The following LANCL2 variants were observed in gnomAD, a reference collection of about 807,000 sequenced individuals.
LANCL2 encodes the protein LanC like glutathione S-transferase 2.
In LANCL2, 33 loss-of-function variants were observed where a neutral mutation model predicts 56.9. The ratio of observed to expected loss-of-function variants is 0.58; its 90% CI spans 0.44 to 0.78. The LOEUF is 0.78. Among genes scored for constraint, LANCL2 ranks in the 30% least tolerant of loss-of-function variants. The probability of loss-of-function intolerance (pLI) is 0.00; values close to 1 mark genes in which losing one functional copy is unlikely to be tolerated. For synonymous variants in LANCL2, 233 were observed against 228.2 expected, an observed-to-expected ratio of 1.02 and a Z score of -0.19; for missense variants, 562 against 580.2, an observed-to-expected ratio of 0.97 and a Z score of 0.32.
At chr7:55,368,018 AAC>A (rs1468079875) in intron 1 of LANCL2, among the ~76,000 whole-genome samples, 1 of 152,222 alleles carries the variant, frequency 6.6e-6, no homozygotes, top group Admixed American at 6.5e-5. Flanking sequence ...GCATTGAAAA[AAC>A]TGCATCATTC....
chr7:55,401,181 A>G lies in LANCL2; in HGVS notation c.686A>G (p.Asn229Ser), dbSNP rs760113808. The change falls in exon 5 of 9, where the codon AAT becomes AGT. Residue 229 changes from asparagine (N) to serine (S), a missense_variant. Asn to Ser is a conservative substitution (Grantham distance 46). Transcript: ENST00000254770. ...GTCTTGTTATCTCTGTAGGTAGTCA[A>G]TGCTATTATTGAATCGGGTAAGACT... ...VCESAIKEVV[N>S]AIIESGKTLS... 18 of 1,613,886 alleles carry G rather than the reference A, an allele frequency of 1.1e-5. No individual in the cohort carries two copies. The East Asian group carries it at 1.6e-4, about 14-fold the overall frequency.
chr7:55,429,704 A>G (rs1316475949), intron 8 of LANCL2, among the ~76,000 whole-genome samples: 3 of 152,272 alleles, frequency 2.0e-5, no homozygotes, highest in African/African-American at 7.2e-5. Flanking sequence ...TTTGCATCAG[A>G]TATAACAGAG....
chr7:55,422,791 CT>C lies in LANCL2; in HGVS notation c.1009-2462del, dbSNP rs1782117640. Among the ~76,000 whole-genome samples, 3 of 152,210 alleles carry C rather than the reference CT, an allele frequency of 2.0e-5. No individual in the cohort carries two copies. In the South Asian group the frequency reaches 6.2e-4, roughly 31 times the overall value. The stretch of plus-strand genomic sequence containing the variant: ...TTCTGTCTTATTCTCCCTTTCTCTT[CT>C]GAGGGTTCACTGATGATGAGTATAG... On this transcript the variant is annotated intron_variant, in intron 6 of 8. Coordinates refer to ENST00000254770, the MANE Select transcript of LANCL2 (RefSeq NM_018697.4).
chr7:55,374,859 A>T (rs1341590407), intron 1 of LANCL2, among the ~76,000 whole-genome samples: 1 of 152,244 alleles, frequency 6.6e-6, no homozygotes, highest in African/African-American at 2.4e-5. Flanking sequence ...AATGTGAGTC[A>T]AAAAGCTATT....
At chr7:55,375,008 G>A (rs1443521224) in intron 1 of LANCL2, among the ~76,000 whole-genome samples, 3 of 152,204 alleles carry the variant, frequency 2.0e-5, no homozygotes, top group Non-Finnish European at 2.9e-5. Context: ...TTTATTAGGA[G>A]TGTAGTAGAT....
At chr7:55,418,329 C>T (rs1790568616) in intron 6 of LANCL2, among the ~76,000 whole-genome samples, 1 of 151,950 alleles carries the variant, frequency 6.6e-6, no homozygotes, top group Non-Finnish European at 1.5e-5. Context: ...CAGGTGTGCA[C>T]CACCATGCCT....
At chr7:55,399,358 TC>T (rs1562863273) in intron 3 of LANCL2, among the ~76,000 whole-genome samples, 2 of 150,862 alleles carry the variant, frequency 1.3e-5, no homozygotes, top group African/African-American at 2.4e-5. Flanking sequence ...TTTTTTTTTT[TC>T]TGAGATGGAA....
At position 55,391,849 on chromosome 7, in the gene LANCL2, A is replaced by G; in HGVS notation, c.261A>G (p.Gln87=). 1.2e-6 allele frequency: 2 copies of G among 1,613,246 alleles called. No homozygotes were observed. The highest frequency in any genetic ancestry group is 1.1e-5 in the South Asian group (1 of 91,066). Residue 87 remains glutamine (Q), a synonymous_variant, in exon 2 of 9, where the codon CAA becomes CAG. Transcript: ENST00000254770. The part of the protein sequence containing the change: ...IQTKIKDLLQ[Q]MEEGLKTADP... ...CCAAAATTAAAGATCTTCTGCAGCAAATGGAAGAAGGGCTGAAGACAGCTG... is the reference window on the plus strand; with the variant it reads ...CCAAAATTAAAGATCTTCTGCAGCAGATGGAAGAAGGGCTGAAGACAGCTG...
chr7:55,416,211 G>C (rs1447645689), intron 6 of LANCL2, among the ~76,000 whole-genome samples: 1 of 152,138 alleles, frequency 6.6e-6, no homozygotes, highest in African/African-American at 2.4e-5. Flanking sequence ...TGATTGACCA[G>C]GGTTGATTAA....
intron 5 of LANCL2, among the ~76,000 whole-genome samples, chr7:55,406,491 C>T (rs577768862): frequency 5.3e-4 from 81 of 152,242 alleles, no homozygotes; most frequent in African/African-American, 1.8e-3. Context: ...CAGCAGGGGA[C>T]GGGCAGAGCA....
At chr7:55,405,360 C>G (rs1425029934) in intron 5 of LANCL2, among the ~76,000 whole-genome samples, 1 of 152,140 alleles carries the variant, frequency 6.6e-6, no homozygotes, top group Non-Finnish European at 1.5e-5. Flanking sequence ...CCACACCGTT[C>G]AATGCTAATC....
At chr7:55,371,213 T>C (rs1789940052) in intron 1 of LANCL2, among the ~76,000 whole-genome samples, 1 of 152,220 alleles carries the variant, frequency 6.6e-6, no homozygotes, top group Non-Finnish European at 1.5e-5. Context: ...AACTGTTTTG[T>C]TCTCTATCTC....
intron 5 of LANCL2, among the ~76,000 whole-genome samples, chr7:55,403,504 GGA>G (rs950530161): frequency 6.7e-6 from 1 of 150,106 alleles, no homozygotes; most frequent in Non-Finnish European, 1.5e-5. Flanking sequence ...CTTTCGGTAT[GGA>G]GTCTTAAAGC....
chr7:55,376,792 A>G (rs150400845), intron 1 of LANCL2, among the ~76,000 whole-genome samples: 62 of 152,380 alleles, frequency 4.1e-4, no homozygotes, highest in African/African-American at 1.4e-3. Flanking sequence ...GACCAGGAAC[A>G]TTTTGGGGAG....
At chr7:55,412,290 GTGAT>G (rs1173513657) in intron 6 of LANCL2, among the ~76,000 whole-genome samples, 1 of 152,202 alleles carries the variant, frequency 6.6e-6, no homozygotes, top group Non-Finnish European at 1.5e-5. Flanking sequence ...GTGTATGTGT[GTGAT>G]TGTGTGTGTT....
chr7:55,387,886 T>TA (rs912712656), intron 1 of LANCL2, among the ~76,000 whole-genome samples: 19 of 152,310 alleles, frequency 1.2e-4, no homozygotes, highest in African/African-American at 4.6e-4. Context: ...CCTTCCTTAC[T>TA]AAAAATACCT....
In LANCL2 at chr7:55,382,455, G is replaced by A. The variant is rs137868919; in HGVS notation, c.205-9338G>A. Among the ~76,000 whole-genome samples, 5 of 152,274 alleles carry A rather than the reference G, an allele frequency of 3.3e-5. No individual in the cohort carries two copies. In the South Asian group the frequency reaches 6.2e-4, roughly 19 times the overall value. ...CCACACAGAGCTGCCTTATCAAGAC[G>A]GGAATCACAATTTGTATTCACACAA... On this transcript the variant is annotated intron_variant, in intron 1 of 8. Coordinates refer to ENST00000254770, the MANE Select transcript of LANCL2 (RefSeq NM_018697.4).
intron 7 of LANCL2, chr7:55,428,002 T>C: frequency 5.5e-6 from 1 of 180,674 alleles, no homozygotes; most frequent in Non-Finnish European, 1.2e-5. Flanking sequence ...CAGCTGCTGC[T>C]GAGAGCCATT....
intron 1 of LANCL2, among the ~76,000 whole-genome samples, chr7:55,384,572 A>G (rs1381146277): frequency 6.6e-6 from 1 of 152,128 alleles, no homozygotes; most frequent in Non-Finnish European, 1.5e-5. Context: ...ATTAATTAAA[A>G]AAAAAGAAAT....
Sources: allele counts gnomAD v4.1 joint callset (sites outside exome capture counted in the v4.1 genomes callset), GRCh38; gene constraint gnomAD v4.1.1; transcripts MANE v1.5; gene names NCBI Gene and HGNC (gene_info 2026-07-23, HGNC 2026-07-21).